GAN: variants seen among roughly 807,000 people sequenced by gnomAD.
GAN encodes the protein epididymis secretory sperm binding protein.
A neutral mutation model predicts 71.3 loss-of-function variants in GAN; 48 were observed. The observed-to-expected ratio is 0.67, with a 90% CI of 0.53 to 0.86. The LOEUF (loss-of-function observed/expected upper bound fraction) is 0.86. GAN is among the 40% of genes least tolerant of loss of function. The pLI is 0.00. For synonymous variants in GAN, 386 were observed against 276.8 expected (o/e 1.39, Z -3.92); for missense variants, 928 against 770.1 (o/e 1.21, Z -2.43).
intron 2 of GAN, among the ~76,000 whole-genome samples, chr16:81,352,853 C>T (rs370504710): frequency 1.3e-5 from 2 of 152,196 alleles, no homozygotes; most frequent in East Asian, 3.8e-4. Context: ...AACCTCTCCT[C>T]CACCTTGTAA....
chr16:81,335,800 G>T (rs999568364), intron 1 of GAN, among the ~76,000 whole-genome samples: 1 of 151,588 alleles, frequency 6.6e-6, no homozygotes, highest in African/African-American at 2.4e-5. Flanking sequence ...TAAGATCTGT[G>T]TGAGGAAAAA....
chr16:81,368,401 C>G (rs1910930317), intron 9 of GAN, among the ~76,000 whole-genome samples: 1 of 152,216 alleles, frequency 6.6e-6, no homozygotes, highest in South Asian at 2.1e-4. Context: ...GAGTTCAAGA[C>G]AACCCTGAGT....
chr16:81,326,511 C>T (rs1339479376), intron 1 of GAN, among the ~76,000 whole-genome samples: 4 of 152,036 alleles, frequency 2.6e-5, no homozygotes, highest in African/African-American at 9.7e-5. Flanking sequence ...CTAGCCTGGG[C>T]AACAAGAGTG....
At chr16:81,318,966 C>T (rs1461318194) in intron 1 of GAN, among the ~76,000 whole-genome samples, 1 of 152,140 alleles carries the variant, frequency 6.6e-6, no homozygotes, top group Non-Finnish European at 1.5e-5. Flanking sequence ...AGCTTTTCCT[C>T]CTTTTGGTTC....
In GAN at chr16:81,333,241, C is replaced by CAA. The variant is rs34186926; in HGVS notation, c.167+17978_167+17979dup. ...TAGGCAACAGAGCGAGACTCCATCT[C>CAA]AAAAAAAAAAAAAAAAAAGGAGGAA... On this transcript the variant is annotated intron_variant, in intron 1 of 10. Transcript: ENST00000648994. Among the ~76,000 whole-genome samples the CAA allele has an allele frequency of 1.4e-4, 15 of 107,140 alleles. 1 individual carries two copies. Among genetic ancestry groups the CAA allele is most frequent in the African/African-American group, 4.4e-4 (12 of 27,296 alleles). The allele number at this position is 107,140 out of a possible 152,430, so 70.3% of individuals were successfully genotyped here. A position where few individuals can be genotyped will look rare whatever the true frequency, so the allele number is the denominator to read the frequency against.
intron 9 of GAN, 53 bp from the exon 10 acceptor site, chr16:81,377,166 G>A (rs1036298401): frequency 2.9e-6 from 3 of 1,051,124 alleles, no homozygotes; most frequent in Non-Finnish European, 4.5e-6. Flanking sequence ...CTTCCTAGAT[G>A]TTGTTGTCAT....
At chr16:81,369,740 C>T (rs939330549) in intron 9 of GAN, among the ~76,000 whole-genome samples, 13 of 152,080 alleles carry the variant, frequency 8.5e-5, no homozygotes, top group African/African-American at 1.4e-4. Context: ...TACAGGCGCC[C>T]GCCACCGCGC....
At chr16:81,343,716 G>C (rs1910022938) in intron 1 of GAN, among the ~76,000 whole-genome samples, 1 of 152,146 alleles carries the variant, frequency 6.6e-6, no homozygotes, top group Non-Finnish European at 1.5e-5. Flanking sequence ...ACAAGACAAG[G>C]ATGCCCTCTC....
chr16:81,326,924 G>A (rs1247781849), intron 1 of GAN, among the ~76,000 whole-genome samples: 1 of 152,204 alleles, frequency 6.6e-6, no homozygotes, highest in Non-Finnish European at 1.5e-5. Flanking sequence ...AAAGTAAAAG[G>A]TCAGAGTTCA....
At chr16:81,358,122 A>G (rs1172396484) in intron 5 of GAN, among the ~76,000 whole-genome samples, 191 bp downstream of exon 5, 2 of 152,184 alleles carry the variant, frequency 1.3e-5, no homozygotes, top group African/African-American at 4.8e-5. Flanking sequence ...TTATCTCTGT[A>G]TCTTCAGCAC....
intron 3 of GAN, among the ~76,000 whole-genome samples, chr16:81,356,108 C>G (rs1000503750): frequency 1.3e-5 from 2 of 152,168 alleles, no homozygotes; most frequent in East Asian, 3.8e-4. Context: ...GCTGGGAAAA[C>G]GAGGCAGTTC....
At chr16:81,358,046 C>G in intron 5 of GAN, 115 bp downstream of exon 5, 7 of 918,944 alleles carry the variant, frequency 7.6e-6, no homozygotes, top group Non-Finnish European at 1.2e-5. Context: ...CTCTACATGA[C>G]ATTTTTAGTG....
At chr16:81,333,122 G>A (rs1909642649) in intron 1 of GAN, among the ~76,000 whole-genome samples, 1 of 151,730 alleles carries the variant, frequency 6.6e-6, no homozygotes, top group Non-Finnish European at 1.5e-5. Flanking sequence ...CGCACCTGTA[G>A]TCTCAGCTAC....
intron 1 of GAN, among the ~76,000 whole-genome samples, chr16:81,325,511 C>T (rs1401997014): frequency 6.6e-6 from 1 of 152,186 alleles, no homozygotes; most frequent in Non-Finnish European, 1.5e-5. Context: ...TTTACTTTAT[C>T]ATCAGTTGCT....
chr16:81,387,158 G>A lies in GAN; in HGVS notation c.*9562G>A, dbSNP rs1020855049. 7 of 152,146 alleles carry A rather than the reference G, an allele frequency of 4.6e-5. No homozygotes were observed. Among genetic ancestry groups the A allele is most frequent in the African/African-American group, 1.7e-4 (7 of 41,436 alleles). 9.4% of individuals were successfully genotyped at this position (152,146 alleles called of 1,614,324 possible). On this transcript the variant is annotated 3_prime_UTR_variant, in exon 11 of 11. Coordinates refer to ENST00000648994, the MANE Select transcript of GAN (RefSeq NM_022041.4). ...AAGAGTGCTGGGCAAGATGTGTTGG[G>A]TGTTAGATCTGCAATACTCTTCATA...
At position 81,386,630 on chromosome 16, in the gene GAN, A is replaced by T. The variant is rs532190772; in HGVS notation, c.*9034A>T. On this transcript the variant is annotated 3_prime_UTR_variant, in exon 11 of 11. Coordinates refer to ENST00000648994, the MANE Select transcript of GAN (RefSeq NM_022041.4). ...TTTCAATAAGACATTTGATAAAGTC[A>T]TTCTTGATCTCTGAATGTGAAAAGG... 2 of 152,370 alleles carry T rather than the reference A, an allele frequency of 1.3e-5. No individual in the cohort carries two copies. The highest frequency in any genetic ancestry group is 3.9e-4 in the East Asian group (2 of 5,188). The allele number at this position is 152,370 out of a possible 1,614,324, so 9.4% of individuals were successfully genotyped here. A position where few individuals can be genotyped will look rare whatever the true frequency, so the allele number is the denominator to read the frequency against.
rs1597385631 is a variant in GAN, at chr16:81,315,142, C to T, written c.29C>T (p.Pro10Leu). The change falls in exon 1 of 11, where the codon CCT (proline) becomes CTT (leucine). Residue 10 changes from proline to leucine, a missense_variant. By Grantham distance (98) the Pro-to-Leu change is moderately conservative. Transcript: ENST00000648994. MAEGSAVSD[P>L]QHAARLLRAL... ...GCTGAGGGCAGTGCCGTGTCTGACC[C>T]TCAGCACGCCGCGCGTCTGCTGCGA... 3 of 1,536,876 alleles carry T rather than the reference C, an allele frequency of 2.0e-6. No homozygotes were observed. Among genetic ancestry groups the T allele is most frequent in the Non-Finnish European group, 2.6e-6 (3 of 1,143,328 alleles).
Position 81,383,353 on chromosome 16 carries a change from A to G in GAN, c.*5757A>G, listed in dbSNP as rs563675083. On this transcript the variant is annotated 3_prime_UTR_variant, in exon 11 of 11. Transcript: ENST00000648994. ...CTGCAATCTCCGCCTCCTGGGTTCA[A>G]GCAATCATCCTGCCTCAGCCTCCCC... The G allele has an allele frequency of 6.8e-6, 1 of 147,132 alleles. No homozygotes were observed. Among genetic ancestry groups the G allele is most frequent in the Non-Finnish European group, 1.5e-5 (1 of 67,402 alleles). 9.1% of individuals were successfully genotyped at this position (147,132 alleles called of 1,614,324 possible).
At position 81,365,388 on chromosome 16, in the gene GAN, A is replaced by G. The variant is rs769076379; in HGVS notation, c.1412A>G (p.Tyr471Cys). ...AVACGVAMEL[Y>C]VFGGVRSRED... ...GCCTGTGGAGTTGCTATGGAGCTGT[A>G]TGTGTTTGGGGGAGTCCGAAGTCGT... Residue 471 changes from tyrosine to cysteine, a missense_variant, in exon 9 of 11, where the codon TAT (tyrosine) becomes TGT (cysteine). Transcript: ENST00000648994. 3 of 1,613,528 alleles carry G rather than the reference A, an allele frequency of 1.9e-6. No homozygotes were observed. In the African/African-American group the frequency reaches 4.0e-5, roughly 22 times the overall value.
Sources: gnomAD v4.1 joint callset for allele counts (sites outside exome capture counted in the v4.1 genomes callset) on GRCh38, gnomAD v4.1.1 for gene constraint, MANE v1.5 for transcripts, NCBI Gene and HGNC (gene_info 2026-07-23, HGNC 2026-07-21) for gene names.